The following CSMD3 variants were observed in gnomAD, a reference collection of about 807,000 sequenced individuals.
CSMD3 encodes CUB and sushi domain-containing protein 3.
CSMD3 carries 177 observed loss-of-function variants against 435.2 expected under a neutral mutation model. The observed-to-expected ratio is 0.41, with a 90% CI of 0.36 to 0.46. The LOEUF is 0.46. CSMD3 is among the 20% of genes least tolerant of loss of function. The pLI is 0.34. For missense variants in CSMD3, 4,265 were observed against 4,504.6 expected, an observed-to-expected ratio of 0.95 and a Z score of 1.52; for synonymous variants, 1,656 against 1,520.5, an observed-to-expected ratio of 1.09 and a Z score of -2.07.
intron 50 of CSMD3, 140 bp downstream of exon 50, chr8:112,310,838 T>G (rs755983300): frequency 4.1e-6 from 3 of 736,212 alleles, no homozygotes; most frequent in South Asian, 3.0e-5. Flanking sequence ...TGCAATGTTA[T>G]GCCTTGTTTT....
intron 22 of CSMD3, among the ~76,000 whole-genome samples, chr8:112,617,346 C>A (rs1833737737): frequency 6.6e-6 from 1 of 152,160 alleles, no homozygotes; most frequent in African/African-American, 2.4e-5. Context: ...AACATGCATA[C>A]TTCTGGCCCA....
intron 50 of CSMD3, 46 bp downstream of exon 50, chr8:112,310,932 A>C (rs1280508448): frequency 1.4e-6 from 2 of 1,470,574 alleles, no homozygotes; most frequent in Non-Finnish European, 1.9e-6. Context: ...AAATGGTGCT[A>C]ATCTCACATT....
Position 112,456,017 on chromosome 8 carries a change from A to G in CSMD3, c.5395+16574T>C, listed in dbSNP as rs548611229. Among the ~76,000 whole-genome samples, 11 of 111,592 alleles carry G rather than the reference A, an allele frequency of 9.9e-5. No homozygotes were observed. The South Asian group carries it at 3.0e-3, about 30-fold the overall frequency. 73.2% of individuals were successfully genotyped at this position (111,592 alleles called of 152,430 possible). The stretch of plus-strand genomic sequence containing the variant: ...TATTCATATAAACCACACTAGCCCT[A>G]TACTCTGACCACCTGAGTTCTACAC... On this transcript the variant is annotated intron_variant, in intron 32 of 70. Coordinates refer to ENST00000297405, the MANE Select transcript of CSMD3 (RefSeq NM_198123.2).
chr8:113,096,784 TC>T lies in CSMD3; in HGVS notation c.917+1971del, dbSNP rs144998074. On this transcript the variant is annotated intron_variant, in intron 5 of 70. Coordinates refer to ENST00000297405, the MANE Select transcript of CSMD3 (RefSeq NM_198123.2). ...GCCCACTCTGCTTTAAGTATTTTGC[TC>T]TAGATGTCATTTTTGCCTGAAGGCT... is the stretch of plus-strand genomic sequence containing the variant. Among the ~76,000 whole-genome samples the T allele has an allele frequency of 7.7e-3, 1,174 of 152,220 alleles. 16 individuals carry two copies. The highest frequency in any genetic ancestry group is 0.027 in the African/African-American group (1,125 of 41,546).
At chr8:112,859,702 A>G (rs563648628) in intron 10 of CSMD3, among the ~76,000 whole-genome samples, 21 of 151,956 alleles carry the variant, frequency 1.4e-4, no homozygotes, top group South Asian at 1.2e-3. Context: ...CCATCAATAG[A>G]AAAACTTCTC....
In CSMD3 at chr8:112,414,184, G is replaced by C. The variant is rs12679399; in HGVS notation, c.5396-5152C>G. On this transcript the variant is annotated intron_variant, in intron 32 of 70. Transcript: ENST00000297405. Reference sequence around the variant, plus strand: ...TCAGAGTAGTTCATATGCCTATCTTGATACTTCTGAATAGTCTATTTGATA... The same window carrying C: ...TCAGAGTAGTTCATATGCCTATCTTCATACTTCTGAATAGTCTATTTGATA... Among the ~76,000 whole-genome samples, 24 of 152,216 alleles carry C rather than the reference G, an allele frequency of 1.6e-4. No individual in the cohort carries two copies. In the East Asian group the frequency reaches 4.6e-3, roughly 29 times the overall value.
chr8:112,566,333 C>G (rs1010573957), intron 24 of CSMD3, among the ~76,000 whole-genome samples: 29 of 152,022 alleles, frequency 1.9e-4, no homozygotes, highest in Non-Finnish European at 1.0e-4. Flanking sequence ...TTATCTCCCT[C>G]TTTGGGTTAT....
At position 113,003,653 on chromosome 8, in the gene CSMD3, A is replaced by AT. The variant is rs570086442; in HGVS notation, c.1030+15413dup. On this transcript the variant is annotated intron_variant, in intron 6 of 70. Coordinates refer to ENST00000297405, the MANE Select transcript of CSMD3 (RefSeq NM_198123.2). ...GCAGAGGAACAAATTCAGGAATCTG[A>AT]TTTTTTTAGCGAGATGCTTTTAGAA... 4.6e-5 allele frequency among the ~76,000 whole-genome samples: 7 copies of AT among 152,138 alleles called. No homozygotes were observed. In the South Asian group the frequency reaches 1.0e-3, roughly 23 times the overall value.
At chr8:112,555,894 C>A (rs766928113) in intron 25 of CSMD3, among the ~76,000 whole-genome samples, 2 of 151,858 alleles carry the variant, frequency 1.3e-5, no homozygotes, top group Admixed American at 1.3e-4. Context: ...CCTCAGTACA[C>A]CTTCTAAAAA....
At chr8:113,302,363 AATG>A (rs1157887942) in intron 2 of CSMD3, among the ~76,000 whole-genome samples, 51 of 145,650 alleles carry the variant, frequency 3.5e-4, no homozygotes, top group African/African-American at 1.0e-3. Context: ...GAATATCTGA[AATG>A]ATGTTATGAG....
chr8:112,488,002 A>C (rs1177591411), intron 31 of CSMD3, among the ~76,000 whole-genome samples: 1 of 152,176 alleles, frequency 6.6e-6, no homozygotes, highest in Non-Finnish European at 1.5e-5. Flanking sequence ...TCACAAAAGG[A>C]ATTGTAGGCA....
intron 3 of CSMD3, among the ~76,000 whole-genome samples, chr8:113,207,653 G>A (rs1307491347): frequency 6.6e-6 from 1 of 152,028 alleles, no homozygotes; most frequent in Non-Finnish European, 1.5e-5. Flanking sequence ...AAAGTGCTGG[G>A]ATTACAGGTG....
intron 57 of CSMD3, 26 bp from the exon 58 acceptor site, chr8:112,287,272 A>AC: frequency 6.2e-7 from 1 of 1,610,932 alleles, no homozygotes; most frequent in South Asian, 1.1e-5. Flanking sequence ...GTTCAAGTTA[A>AC]CCAATTCCCA....
At chr8:112,594,362 G>A (rs1247603661) in intron 22 of CSMD3, among the ~76,000 whole-genome samples, 1 of 152,162 alleles carries the variant, frequency 6.6e-6, no homozygotes, top group Non-Finnish European at 1.5e-5. Flanking sequence ...GGCTCGGAGG[G>A]TCCTACGCCC....
chr8:112,906,257 C>G (rs1272732770), intron 10 of CSMD3, among the ~76,000 whole-genome samples: 1 of 151,286 alleles, frequency 6.6e-6, no homozygotes, highest in Non-Finnish European at 1.5e-5. Flanking sequence ...ATACGTACCT[C>G]TAACAATCCT....
At chr8:112,622,375 C>A (rs1363060935) in intron 22 of CSMD3, among the ~76,000 whole-genome samples, 1 of 152,116 alleles carries the variant, frequency 6.6e-6, no homozygotes, top group African/African-American at 2.4e-5. Flanking sequence ...ATTTGTTATT[C>A]ATAAATATAA....
intron 10 of CSMD3, among the ~76,000 whole-genome samples, chr8:112,887,660 G>C (rs1403117112): frequency 6.6e-6 from 1 of 150,722 alleles, no homozygotes; most frequent in Admixed American, 6.6e-5. Flanking sequence ...AGTATGGATA[G>C]TGCATACCAC....
chr8:112,285,787 A>G (rs1010440253), intron 58 of CSMD3, among the ~76,000 whole-genome samples: 4 of 151,898 alleles, frequency 2.6e-5, no homozygotes, highest in African/African-American at 9.7e-5. Flanking sequence ...TGGCATAATC[A>G]TGGTTCACTG....
At chr8:112,409,082 A>C in intron 32 of CSMD3, 50 bp from the exon 33 acceptor site, 2 of 1,612,012 alleles carry the variant, frequency 1.2e-6, no homozygotes, top group Non-Finnish European at 1.7e-6. Context: ...CCATCCAAAA[A>C]CGAAAACAAA....
Sources: allele counts gnomAD v4.1 joint callset (sites outside exome capture counted in the v4.1 genomes callset), GRCh38; gene constraint gnomAD v4.1.1; transcripts MANE v1.5; gene names NCBI Gene and HGNC (gene_info 2026-07-23, HGNC 2026-07-21).